The following DACH2 variants were observed in gnomAD, a reference collection of about 807,000 sequenced individuals.
The protein encoded by DACH2 is dachshund homolog 2.
In DACH2, 17 loss-of-function variants were observed where a neutral mutation model predicts 35.8. That is an observed-to-expected ratio of 0.48 (90% CI 0.33 to 0.71). DACH2 has a LOEUF of 0.71. Ranked by LOEUF, DACH2 falls within the 30% of genes least tolerant of loss-of-function variation. The pLI is 0.02. For missense variants in DACH2, 469 were observed against 472.7 expected (o/e 0.99, Z 0.07); for synonymous variants, 195 against 177.3 (o/e 1.10, Z -0.79).
At chrX:86,831,072 C>CTAT (rs1450065910) in intron 11 of DACH2, 3 of 111,337 alleles carry the variant, frequency 2.7e-5, no homozygotes, top group African/African-American at 9.8e-5. Context: ...TTTTATTCAT[C>CTAT]TATTACCTTA....
chrX:86,654,200 A>C (rs1047776220), intron 4 of DACH2, among the ~76,000 whole-genome samples: 3 of 106,602 alleles, frequency 2.8e-5, no homozygotes, highest in South Asian at 4.1e-4. Context: ...AAAAAAAAAA[A>C]AAAAAAAAAA....
chrX:86,236,358 G>C (rs1346242468), intron 1 of DACH2, among the ~76,000 whole-genome samples: 1 of 112,085 alleles, frequency 8.9e-6, no homozygotes, highest in Non-Finnish European at 1.9e-5. Flanking sequence ...GAATAAAGAA[G>C]TGAATAAAAT....
intron 7 of DACH2, among the ~76,000 whole-genome samples, chrX:86,808,128 A>AGT (rs1353259773): frequency 8.9e-6 from 1 of 112,086 alleles, no homozygotes; most frequent in Non-Finnish European, 1.9e-5. Flanking sequence ...TTCAAGCTTA[A>AGT]GTGTCCACTG....
chrX:86,445,448 T>G (rs1056529076), intron 2 of DACH2, among the ~76,000 whole-genome samples: 3 of 94,313 alleles, frequency 3.2e-5, no homozygotes, highest in Non-Finnish European at 6.3e-5. Context: ...GCATGGCACA[T>G]GTATACATAT....
At chrX:86,556,942 G>C (rs192942532) in intron 3 of DACH2, among the ~76,000 whole-genome samples, 1 of 106,717 alleles carries the variant, frequency 9.4e-6, no homozygotes, top group Non-Finnish European at 1.9e-5. Flanking sequence ...AATTCAGTCC[G>C]AGTGTGAAGG....
At chrX:86,532,277 A>G (rs1048905382) in intron 3 of DACH2, among the ~76,000 whole-genome samples, 13 of 111,653 alleles carry the variant, frequency 1.2e-4, no homozygotes, top group African/African-American at 3.3e-4. Context: ...CAGTGTGAAA[A>G]GGGCATGAGA....
intron 2 of DACH2, among the ~76,000 whole-genome samples, chrX:86,395,448 A>G (rs1457630787): frequency 9.0e-6 from 1 of 110,935 alleles, no homozygotes; most frequent in Non-Finnish European, 1.9e-5. Flanking sequence ...CAGGTTTGTT[A>G]CATATGCATA....
At chrX:86,257,712 A>G (rs1202306700) in intron 1 of DACH2, among the ~76,000 whole-genome samples, 1 of 111,660 alleles carries the variant, frequency 9.0e-6, no homozygotes, top group Admixed American at 9.5e-5. Flanking sequence ...CTGGCCTACA[A>G]CTCTTGCTCT....
chrX:86,388,218 C>T (rs981926871), intron 2 of DACH2, among the ~76,000 whole-genome samples: 17 of 111,697 alleles, frequency 1.5e-4, no homozygotes, highest in Non-Finnish European at 2.6e-4. Flanking sequence ...CAGTTGGAAG[C>T]GCTTTGTCAC....
intron 3 of DACH2, among the ~76,000 whole-genome samples, chrX:86,633,469 C>T (rs577596395): frequency 1.1e-3 from 125 of 111,299 alleles, no homozygotes; most frequent in Non-Finnish European, 1.8e-3. Context: ...AACAATCTCG[C>T]GACACACACA....
chrX:86,750,378 A>T (rs1222463921), intron 7 of DACH2, among the ~76,000 whole-genome samples: 2 of 111,797 alleles, frequency 1.8e-5, no homozygotes, highest in Non-Finnish European at 3.8e-5. Flanking sequence ...TATTAGTACA[A>T]TTCATTACAT....
At chrX:86,446,075 C>T (rs2037268631) in intron 2 of DACH2, among the ~76,000 whole-genome samples, 1 of 110,851 alleles carries the variant, frequency 9.0e-6, no homozygotes, top group East Asian at 2.8e-4. Flanking sequence ...TATTCTCTTG[C>T]TGAATTAATC....
chrX:86,530,499 TTCTC>T lies in DACH2; in HGVS notation c.640+16114_640+16117del, dbSNP rs2038703698. On this transcript the variant is annotated intron_variant, in intron 3 of 11. Coordinates refer to ENST00000373125, the MANE Select transcript of DACH2 (RefSeq NM_053281.3). ...CATGGTACTTCCTTTCTCTCTCTCT[TTCTC>T]TCTCTTTCTCTCCTGCCATGTAAGA... 2.7e-5 allele frequency among the ~76,000 whole-genome samples: 3 copies of T among 109,685 alleles called. No homozygotes were observed. In the Admixed American group the frequency reaches 2.9e-4, roughly 11 times the overall value.
chrX:86,712,819 T>C (rs1253859904), intron 5 of DACH2, among the ~76,000 whole-genome samples: 1 of 110,798 alleles, frequency 9.0e-6, no homozygotes, highest in East Asian at 2.9e-4. Flanking sequence ...TGAACACGGA[T>C]AGGAGAAAAG....
At chrX:86,284,839 G>A (rs781175133) in intron 1 of DACH2, among the ~76,000 whole-genome samples, 1 of 110,339 alleles carries the variant, frequency 9.1e-6, no homozygotes, top group South Asian at 4.0e-4. Context: ...GTCTGCTCAG[G>A]TTTTGAACTT....
At chrX:86,556,785 TATATATATATAGAGAGAG>T (rs1203159578) in intron 3 of DACH2, among the ~76,000 whole-genome samples, 42 of 47,206 alleles carry the variant, frequency 8.9e-4, no homozygotes, top group African/African-American at 3.4e-3. Context: ...TATATATATA[TATATATATATAGAGAGAG>T]AGAGAGAGAG....
rs1159609827 is a variant in DACH2 at position 86,748,825 on chromosome X, C to A, written c.1240+8943C>A. Among the ~76,000 whole-genome samples, 4 of 111,544 alleles carry A rather than the reference C, an allele frequency of 3.6e-5. No individual in the cohort carries two copies. In the East Asian group the frequency reaches 1.1e-3, roughly 32 times the overall value. On this transcript the variant is annotated intron_variant, in intron 7 of 11. Transcript: ENST00000373125. ...TAGCTATGATAGTCCTAGATGGCAT[C>A]TTCTTCCAATATAAGGGTGTTTTGT...
intron 1 of DACH2, among the ~76,000 whole-genome samples, chrX:86,373,044 A>G (rs1209362787): frequency 9.0e-6 from 1 of 111,451 alleles, no homozygotes; most frequent in African/African-American, 3.3e-5. Flanking sequence ...CATGGTATAC[A>G]TATACCACAT....
chrX:86,252,259 T>C (rs1043207540), intron 1 of DACH2, among the ~76,000 whole-genome samples: 1 of 111,128 alleles, frequency 9.0e-6, no homozygotes, highest in Non-Finnish European at 1.9e-5. Flanking sequence ...GCTGGACGTA[T>C]AGATTGTGAA....
Sources: gnomAD v4.1 joint callset for allele counts (sites outside exome capture counted in the v4.1 genomes callset) on GRCh38, gnomAD v4.1.1 for gene constraint, MANE v1.5 for transcripts, NCBI Gene and HGNC (gene_info 2026-07-23, HGNC 2026-07-21) for gene names.